The following SCHIP1 variants were observed in gnomAD, a reference collection of about 807,000 sequenced individuals.
SCHIP1 encodes schwannomin interacting protein 1.
A neutral mutation model predicts 29.7 loss-of-function variants in SCHIP1; 8 were observed. That is an observed-to-expected ratio of 0.27 (90% CI 0.16 to 0.49). The LOEUF (loss-of-function observed/expected upper bound fraction) is 0.49. Among genes scored for constraint, SCHIP1 ranks in the 20% least tolerant of loss-of-function variants. The pLI is 0.99. For synonymous variants in SCHIP1, 76 were observed against 94.9 expected (o/e 0.80, Z 1.16); for missense variants, 193 against 294.6 (o/e 0.66, Z 2.52).
At chr3:159,425,090 C>A in the SCHIP1 span, among the ~76,000 whole-genome samples, 1 of 151,400 alleles carries the variant, frequency 6.6e-6, no homozygotes, top group Non-Finnish European at 1.5e-5. Flanking sequence ...CAAAATCATG[C>A]CAAAATGTAA....
chr3:159,317,835 G>GCACAT, the SCHIP1 span, among the ~76,000 whole-genome samples: 172 of 152,184 alleles, frequency 1.1e-3, no homozygotes, highest in Non-Finnish European at 2.1e-3. Flanking sequence ...TTATGTGCAG[G>GCACAT]ATAGGCAATC....
intron 1 of SCHIP1, among the ~76,000 whole-genome samples, chr3:159,857,071 G>A (rs1256557533): frequency 1.3e-5 from 2 of 152,156 alleles, no homozygotes; most frequent in Non-Finnish European, 2.9e-5. Flanking sequence ...CTTCCGCTTT[G>A]TGGGCCAGGT....
chr3:159,690,204 C>T, the SCHIP1 span, among the ~76,000 whole-genome samples: 4 of 152,090 alleles, frequency 2.6e-5, no homozygotes, highest in Non-Finnish European at 5.9e-5. Flanking sequence ...TGGTAGAATT[C>T]GGCTGTGAAT....
the SCHIP1 span, among the ~76,000 whole-genome samples, chr3:159,584,115 G>A: frequency 5.2e-3 from 795 of 152,098 alleles, 2 homozygotes; most frequent in African/African-American, 0.017. Flanking sequence ...ATCTCTTCAC[G>A]ACAGGTACTT....
At chr3:159,514,152 C>A in the SCHIP1 span, among the ~76,000 whole-genome samples, 2 of 152,148 alleles carry the variant, frequency 1.3e-5, no homozygotes, top group African/African-American at 4.8e-5. Context: ...CCCTCACAGG[C>A]AGGTCCAGAA....
At chr3:159,293,611 A>G in the SCHIP1 span, among the ~76,000 whole-genome samples, 2 of 152,232 alleles carry the variant, frequency 1.3e-5, no homozygotes, top group Non-Finnish European at 2.9e-5. Context: ...GAAGAATTAT[A>G]AATGAGCCAA....
At chr3:159,870,891 C>T (rs977728241) in intron 2 of SCHIP1, among the ~76,000 whole-genome samples, 1 of 151,910 alleles carries the variant, frequency 6.6e-6, no homozygotes, top group African/African-American at 2.4e-5. Flanking sequence ...TTCTATAAAG[C>T]TTGGTAGGAC....
the SCHIP1 span, among the ~76,000 whole-genome samples, chr3:159,701,765 T>A: frequency 3.3e-5 from 5 of 152,176 alleles, no homozygotes; most frequent in Non-Finnish European, 7.4e-5. Flanking sequence ...GACCTTTTTT[T>A]TTCTTTGCTT....
the SCHIP1 span, among the ~76,000 whole-genome samples, chr3:159,631,217 C>G: frequency 9.4e-5 from 14 of 148,788 alleles, no homozygotes; most frequent in African/African-American, 3.4e-4. Flanking sequence ...ATGGAGATAT[C>G]AAAACCCTCA....
chr3:159,302,988 A>T, the SCHIP1 span, among the ~76,000 whole-genome samples: 2 of 152,230 alleles, frequency 1.3e-5, no homozygotes, highest in Admixed American at 6.5e-5. Flanking sequence ...TTGAGTGCTT[A>T]TATGAGGTAA....
chr3:159,397,841 G>C, the SCHIP1 span, among the ~76,000 whole-genome samples: 1 of 152,208 alleles, frequency 6.6e-6, no homozygotes, highest in East Asian at 1.9e-4. Context: ...TTTGAGCTGT[G>C]GTGGGCTCCA....
At chr3:159,592,441 G>A in the SCHIP1 span, among the ~76,000 whole-genome samples, 1 of 151,996 alleles carries the variant, frequency 6.6e-6, no homozygotes, top group Non-Finnish European at 1.5e-5. Context: ...TTCACAGCTG[G>A]ATTTTTTTCC....
At chr3:159,596,902 C>T in the SCHIP1 span, among the ~76,000 whole-genome samples, 4 of 150,730 alleles carry the variant, frequency 2.7e-5, no homozygotes, top group East Asian at 1.9e-4. Flanking sequence ...ACATATGTAA[C>T]AAACCTGCAT....
At chr3:159,390,336 A>T in the SCHIP1 span, among the ~76,000 whole-genome samples, 1 of 152,098 alleles carries the variant, frequency 6.6e-6, no homozygotes, top group Non-Finnish European at 1.5e-5. Flanking sequence ...AATGGATTTT[A>T]TTATGCCCTG....
At chr3:159,570,117 T>C in the SCHIP1 span, among the ~76,000 whole-genome samples, 2 of 152,222 alleles carry the variant, frequency 1.3e-5, no homozygotes, top group Non-Finnish European at 2.9e-5. Flanking sequence ...GATGGTAGTT[T>C]CTTTTGCTGT....
chr3:159,442,864 CT>C, the SCHIP1 span, among the ~76,000 whole-genome samples: 1 of 152,178 alleles, frequency 6.6e-6, no homozygotes, highest in African/African-American at 2.4e-5. Flanking sequence ...TATAATATCC[CT>C]TGCTTAGACA....
chr3:159,786,129 T>A, the SCHIP1 span, among the ~76,000 whole-genome samples: 1 of 152,226 alleles, frequency 6.6e-6, no homozygotes, highest in Non-Finnish European at 1.5e-5. Context: ...CCAAGATTTT[T>A]AAACCCTGCA....
the SCHIP1 span, among the ~76,000 whole-genome samples, chr3:159,461,952 G>A: frequency 4.6e-5 from 7 of 152,138 alleles, no homozygotes; most frequent in Non-Finnish European, 8.8e-5. Context: ...GCTCATGCCT[G>A]TAATCCTAGC....
At chr3:159,301,262 A>G in the SCHIP1 span, among the ~76,000 whole-genome samples, 45 of 152,290 alleles carry the variant, frequency 3.0e-4, no homozygotes, top group South Asian at 8.7e-3. Flanking sequence ...CACCACTACT[A>G]AGTGGCTAAG....
Sources: gnomAD v4.1 joint callset for allele counts (sites outside exome capture counted in the v4.1 genomes callset) on GRCh38, gnomAD v4.1.1 for gene constraint, MANE v1.5 for transcripts, NCBI Gene and HGNC (gene_info 2026-07-23, HGNC 2026-07-21) for gene names.